Variants in DOCK1 observed in about 807,000 individuals in gnomAD.
DOCK1 encodes dedicator of cytokinesis 1.
A neutral mutation model predicts 262.7 loss-of-function variants in DOCK1; 138 were observed. That is an observed-to-expected ratio of 0.53 (90% CI 0.46 to 0.61). DOCK1 has a LOEUF of 0.61. Among genes scored for constraint, DOCK1 ranks in the 20% least tolerant of loss-of-function variants. The probability of loss-of-function intolerance (pLI) is 0.00; values close to 1 mark genes in which losing one functional copy is unlikely to be tolerated. For missense variants in DOCK1, 1,908 were observed against 2,370.7 expected (o/e 0.80, Z 4.05); for synonymous variants, 866 against 867.4 (o/e 1.00, Z 0.03).
intron 1 of DOCK1, among the ~76,000 whole-genome samples, chr10:126,940,046 G>A (rs2034872065): frequency 6.6e-6 from 1 of 152,066 alleles, no homozygotes; most frequent in Admixed American, 6.6e-5. Context: ...GAAGGAGAAG[G>A]GTGCAACTCC....
chr10:127,409,230 T>C (rs150283685), intron 41 of DOCK1, 52 bp downstream of exon 41: 19 of 1,612,164 alleles, frequency 1.2e-5, no homozygotes, highest in Admixed American at 1.7e-5. Flanking sequence ...ATGCCATTCA[T>C]TTGGGTGGTT....
At chr10:127,267,877 T>C (rs569142752) in intron 29 of DOCK1, among the ~76,000 whole-genome samples, 1 of 152,238 alleles carries the variant, frequency 6.6e-6, no homozygotes, top group South Asian at 2.1e-4. Context: ...GACCCTCTGG[T>C]GTGGTGCTTT....
intron 1 of DOCK1, among the ~76,000 whole-genome samples, chr10:126,920,048 C>G (rs1476060692): frequency 6.6e-6 from 1 of 152,104 alleles, no homozygotes; most frequent in Non-Finnish European, 1.5e-5. Flanking sequence ...CCCTAAAACT[C>G]CCTCCACCCC....
At chr10:127,311,574 C>T (rs574839987) in intron 29 of DOCK1, among the ~76,000 whole-genome samples, 2 of 152,282 alleles carry the variant, frequency 1.3e-5, no homozygotes, top group East Asian at 3.9e-4. Flanking sequence ...ATTCCAAAAT[C>T]CCCGCAAAAG....
chr10:126,950,356 T>G (rs2036101907), intron 1 of DOCK1, among the ~76,000 whole-genome samples: 1 of 152,026 alleles, frequency 6.6e-6, no homozygotes, highest in Non-Finnish European at 1.5e-5. Context: ...ACTGGATGAT[T>G]GGAGGTCTGG....
intron 45 of DOCK1, among the ~76,000 whole-genome samples, chr10:127,418,800 T>C (rs1428995861): frequency 6.6e-6 from 1 of 152,214 alleles, no homozygotes; most frequent in Non-Finnish European, 1.5e-5. Flanking sequence ...GCTGGGCTTA[T>C]CTGCACCCAG....
rs569162058 is a variant in DOCK1, at chr10:126,970,400, A to G, written c.47-302A>G. 8.5e-5 allele frequency among the ~76,000 whole-genome samples: 13 copies of G among 152,334 alleles called. No individual in the cohort carries two copies. In the South Asian group the frequency reaches 2.5e-3, roughly 29 times the overall value. On this transcript the variant is annotated intron_variant, in intron 1 of 51. Transcript: ENST00000623213. ...TTGATTCATAGGCAGATAAAAATCT[A>G]TTAGTGGAAATAAAAGATAGTATTG...
intron 27 of DOCK1, among the ~76,000 whole-genome samples, chr10:127,133,990 A>T (rs73378492): frequency 0.064 from 9,705 of 152,282 alleles, 648 homozygotes; most frequent in African/African-American, 0.17. Flanking sequence ...GCTGCAGCCA[A>T]ACTGCCCTGA....
At chr10:127,338,387 ATTATACT>A (rs1307437098) in intron 29 of DOCK1, among the ~76,000 whole-genome samples, 1 of 152,260 alleles carries the variant, frequency 6.6e-6, no homozygotes, top group Non-Finnish European at 1.5e-5. Context: ...GAGTGTTAAA[ATTATACT>A]TTATCAATGA....
intron 38 of DOCK1, among the ~76,000 whole-genome samples, chr10:127,391,870 T>C (rs2066497499): frequency 6.6e-6 from 1 of 152,002 alleles, no homozygotes; most frequent in African/African-American, 2.4e-5. Context: ...GTCTGGTTTC[T>C]AATAAAGTGG....
intron 21 of DOCK1, among the ~76,000 whole-genome samples, chr10:127,045,669 G>T (rs2044299790): frequency 6.6e-6 from 1 of 152,224 alleles, no homozygotes; most frequent in African/African-American, 2.4e-5. Context: ...CTCGAGCTGT[G>T]TCTGCGGCTC....
At chr10:127,343,909 AT>A (rs2063527632) in intron 31 of DOCK1, among the ~76,000 whole-genome samples, 163 bp downstream of exon 31, 1 of 152,208 alleles carries the variant, frequency 6.6e-6, no homozygotes, top group African/African-American at 2.4e-5. Context: ...TTTCTAACCC[AT>A]GAATCAAGAT....
At position 127,452,117 on chromosome 10, in the gene DOCK1, A is replaced by G. The variant is rs1317434948; in HGVS notation, c.*690A>G. ...AAGTGTTCGTTCTTTTCTGAAAAAG[A>G]GTATGTGTACCACAAGAGCTGGTTT... On this transcript the variant is annotated 3_prime_UTR_variant, in exon 52 of 52. Coordinates refer to ENST00000623213, the MANE Select transcript of DOCK1 (RefSeq NM_001290223.2). 1.3e-5 allele frequency: 2 copies of G among 152,710 alleles called. No individual in the cohort carries two copies. The highest frequency in any genetic ancestry group is 4.8e-5 in the African/African-American group (2 of 41,470). 9.5% of individuals were successfully genotyped at this position (152,710 alleles called of 1,614,324 possible). A position where few individuals can be genotyped will look rare whatever the true frequency, so the allele number is the denominator to read the frequency against.
At position 126,957,808 on chromosome 10, in the gene DOCK1, G is replaced by A. The variant is rs928822631; in HGVS notation, c.47-12894G>A. Among the ~76,000 whole-genome samples, 342 of 152,166 alleles carry A rather than the reference G, an allele frequency of 2.2e-3. 3 individuals carry two copies. Among genetic ancestry groups the A allele is most frequent in the South Asian group, 6.2e-3 (30 of 4,820 alleles). On this transcript the variant is annotated intron_variant, in intron 1 of 51. Coordinates refer to ENST00000623213, the MANE Select transcript of DOCK1 (RefSeq NM_001290223.2). ...GCCTTATTTATAATAACTCAAACCT[G>A]GAAACAAATAACTCAAATGTCCATC...
At chr10:126,977,772 A>G (rs530050902) in intron 2 of DOCK1, among the ~76,000 whole-genome samples, 176 bp from the exon 3 acceptor site, 20 of 152,224 alleles carry the variant, frequency 1.3e-4, no homozygotes, top group African/African-American at 4.6e-4. Flanking sequence ...CGCTGTTGAA[A>G]TGCTCTCTGG....
intron 27 of DOCK1, among the ~76,000 whole-genome samples, chr10:127,173,011 C>T (rs1395861266): frequency 6.6e-6 from 1 of 152,180 alleles, no homozygotes; most frequent in Non-Finnish European, 1.5e-5. Flanking sequence ...TTGGATAGAG[C>T]AGCTCCAGAG....
intron 1 of DOCK1, among the ~76,000 whole-genome samples, chr10:126,946,591 G>A (rs1036508341): frequency 7.2e-5 from 11 of 152,026 alleles, no homozygotes; most frequent in South Asian, 2.1e-4. Context: ...CTCAGCCTCC[G>A]TTAACTTCTA....
At chr10:126,946,461 C>T (rs995265395) in intron 1 of DOCK1, among the ~76,000 whole-genome samples, 39 of 152,214 alleles carry the variant, frequency 2.6e-4, no homozygotes, top group East Asian at 1.6e-3. Flanking sequence ...GCAGGAGAAT[C>T]GCTTGACCCG....
chr10:127,259,505 A>C (rs916601742), intron 29 of DOCK1, among the ~76,000 whole-genome samples: 2 of 152,202 alleles, frequency 1.3e-5, no homozygotes, highest in Non-Finnish European at 2.9e-5. Flanking sequence ...ATCATTGGCC[A>C]GGAGCAGAGG....
Sources: gnomAD v4.1 joint callset for allele counts (sites outside exome capture counted in the v4.1 genomes callset) on GRCh38, gnomAD v4.1.1 for gene constraint, MANE v1.5 for transcripts, NCBI Gene and HGNC (gene_info 2026-07-23, HGNC 2026-07-21) for gene names.